The following C2orf42 variants were observed in gnomAD, a reference collection of about 807,000 sequenced individuals.
C2orf42 encodes the protein chromosome 2 open reading frame 42, also known as uncharacterized protein C2orf42.
A neutral mutation model predicts 58.9 loss-of-function variants in C2orf42; 44 were observed. The ratio of observed to expected loss-of-function variants is 0.75; its 90% confidence interval spans 0.59 to 0.96. The LOEUF is 0.96. C2orf42 is among the 40% of genes least tolerant of loss of function. The probability of loss-of-function intolerance (pLI) is 0.00; values close to 1 mark genes in which losing one functional copy is unlikely to be tolerated. For synonymous variants in C2orf42, 239 were observed against 265.4 expected (o/e 0.90, Z 0.97); for missense variants, 630 against 699.2 (o/e 0.90, Z 1.12).
chr2:70,175,708 T>C lies in C2orf42; in HGVS notation c.1004A>G (p.Lys335Arg), dbSNP rs753079573. The change falls in exon 5 of 10, where the codon AAA (lysine) becomes AGA (arginine). Residue 335 changes from lysine to arginine, a missense_variant. Lys to Arg is a conservative substitution (Grantham distance 26, BLOSUM62 2). Coordinates refer to ENST00000264434, the MANE Select transcript of C2orf42 (RefSeq NM_017880.3). ...VSSNLRKSGL[K>R]KPVVASSLKR... is the part of the protein sequence containing the mutation. ...TAACGAGGAAGCAACCACAGGCTTT[T>C]TCAGGCCACTTTTCCTTAGATTACT... The C allele has an allele frequency of 3.1e-6, 5 of 1,613,554 alleles. No homozygotes were observed. The highest frequency in any genetic ancestry group is 4.2e-6 in the Non-Finnish European group (5 of 1,179,476).
Position 70,150,563 on chromosome 2 carries a change from G to A in C2orf42, c.1518C>T (p.Gly506=), listed in dbSNP as rs1672247055. 1.2e-6 allele frequency: 2 copies of A among 1,610,776 alleles called. No homozygotes were observed. The highest frequency in any genetic ancestry group is 3.3e-5 in the Admixed American group (2 of 59,984). ...PLELKTFLKV[G]NTSPDQKEPT... is the part of the protein sequence containing the mutation. The stretch of plus-strand genomic sequence containing the variant: ...GCTCCTTTTGATCTGGGGAAGTGTT[G>A]CCTAAAGAGAAGAAAGGAGTATTAG... The change falls in exon 10 of 10, where the codon GGC becomes GGT. Residue 506 remains glycine, a splice_region_variant and synonymous_variant. Coordinates refer to ENST00000264434, the MANE Select transcript of C2orf42 (RefSeq NM_017880.3).
At chr2:70,184,565 T>C (rs1368961056) in intron 1 of C2orf42, among the ~76,000 whole-genome samples, 3 of 144,306 alleles carry the variant, frequency 2.1e-5, no homozygotes, top group Admixed American at 1.5e-4. Context: ...ACTGCAGCCT[T>C]GACCTCCCAA....
rs1674547472 is a variant in C2orf42 at position 70,181,291 on chromosome 2, T to A, written c.695A>T (p.His232Leu). ...FFCSCQTLKS[H>L]KSNASKDETA... ...CTCATCCTTGGAGGCATTTGACTTG[T>A]GCGATTTCAGAGTCTGACAGGAGCA... Residue 232 changes from histidine to leucine, a missense_variant, in exon 3 of 10, where the codon CAC becomes CTC. His to Leu is a moderately conservative substitution (Grantham distance 99). Coordinates refer to ENST00000264434, the MANE Select transcript of C2orf42 (RefSeq NM_017880.3). 2 of 1,613,970 alleles carry A rather than the reference T, an allele frequency of 1.2e-6. No individual in the cohort carries two copies. Among genetic ancestry groups the A allele is most frequent in the South Asian group, 1.1e-5 (1 of 91,084 alleles).
chr2:70,166,044 C>G (rs563171764), intron 6 of C2orf42, among the ~76,000 whole-genome samples: 152 of 152,010 alleles, frequency 1.0e-3, no homozygotes, highest in African/African-American at 3.6e-3. Flanking sequence ...GCGTGCACCA[C>G]CACGCCTGGC....
chr2:70,170,917 C>T (rs977592412), intron 5 of C2orf42, among the ~76,000 whole-genome samples: 1 of 151,880 alleles, frequency 6.6e-6, no homozygotes, highest in African/African-American at 2.4e-5. Context: ...AGATCGAGAC[C>T]ATCCTGGCTA....
chr2:70,167,345 G>T (rs1356742862), intron 6 of C2orf42, among the ~76,000 whole-genome samples: 1 of 148,208 alleles, frequency 6.7e-6, no homozygotes, highest in Non-Finnish European at 1.5e-5. Flanking sequence ...GCGACAGAGT[G>T]AGACTCTGTC....
intron 6 of C2orf42, among the ~76,000 whole-genome samples, chr2:70,168,921 GC>G (rs1042045056): frequency 7.2e-5 from 11 of 151,804 alleles, no homozygotes; most frequent in African/African-American, 2.7e-4. Context: ...CGCCATGTTG[GC>G]CAGGCTTGTC....
intron 1 of C2orf42, among the ~76,000 whole-genome samples, chr2:70,186,708 A>G (rs918698918): frequency 6.6e-6 from 1 of 152,130 alleles, no homozygotes; most frequent in South Asian, 2.1e-4. Context: ...CAACCCAAAT[A>G]TCCAACAATG....
intron 1 of C2orf42, among the ~76,000 whole-genome samples, chr2:70,186,406 T>TATA (rs143451053): frequency 1.3e-5 from 2 of 151,602 alleles, no homozygotes; most frequent in African/African-American, 4.8e-5. Context: ...TGATTTAACA[T>TATA]ATCAAAGTGG....
At chr2:70,179,249 G>C (rs574801199) in intron 4 of C2orf42, among the ~76,000 whole-genome samples, 35 of 149,908 alleles carry the variant, frequency 2.3e-4, no homozygotes, top group African/African-American at 8.5e-4. Flanking sequence ...ACTTTTCTCA[G>C]GAAAAAAACC....
intron 6 of C2orf42, among the ~76,000 whole-genome samples, chr2:70,169,009 C>T (rs1207784272): frequency 3.9e-5 from 6 of 151,958 alleles, no homozygotes; most frequent in African/African-American, 9.7e-5. Context: ...TCACCATGCC[C>T]GGCCAGTATG....
intron 5 of C2orf42, among the ~76,000 whole-genome samples, chr2:70,169,929 T>C (rs1673683035): frequency 6.6e-6 from 1 of 151,744 alleles, no homozygotes; most frequent in Non-Finnish European, 1.5e-5. Flanking sequence ...CGGCTAATTG[T>C]TGTATTTTTA....
chr2:70,177,876 A>C (rs1213866584), intron 4 of C2orf42, among the ~76,000 whole-genome samples: 1 of 152,060 alleles, frequency 6.6e-6, no homozygotes, highest in East Asian at 1.9e-4. Context: ...TCTCTACAAA[A>C]AACAAACCAA....
chr2:70,159,984 C>T (rs1672951480), intron 9 of C2orf42, among the ~76,000 whole-genome samples: 1 of 152,084 alleles, frequency 6.6e-6, no homozygotes, highest in African/African-American at 2.4e-5. Context: ...AAATAATATT[C>T]ACAAGAATTT....
Position 70,178,221 on chromosome 2 carries a change from T to A in C2orf42, c.934+1311A>T, listed in dbSNP as rs569125143. The stretch of plus-strand genomic sequence containing the variant: ...ATTTTCATTTTGTTTAGACTCTAGG[T>A]CTCTTGATGCTTACCTACTAGGATA... On this transcript the variant is annotated intron_variant, in intron 4 of 9. Coordinates refer to ENST00000264434, the MANE Select transcript of C2orf42 (RefSeq NM_017880.3). Among the ~76,000 whole-genome samples the A allele has an allele frequency of 3.3e-5, 5 of 152,280 alleles. No homozygotes were observed. In the South Asian group the frequency reaches 1.0e-3, roughly 32 times the overall value.
chr2:70,175,770 C>T lies in C2orf42; in HGVS notation c.942G>A (p.Gln314=). The T allele has an allele frequency of 6.3e-7, 1 of 1,595,978 alleles. No individual in the cohort carries two copies. The highest frequency in any genetic ancestry group is 2.2e-5 in the East Asian group (1 of 44,772). The part of the protein sequence containing the change: ...KRRKDEVSGA[Q]MNSSLLPQDA... ...CTTGAGGCAGTAGTGAACTGTTCAT[C>T]TGTGCACCTAAACCACAAATCATTA... The change falls in exon 5 of 10, where the codon CAG becomes CAA. Residue 314 remains glutamine, a synonymous_variant. Transcript: ENST00000264434.
At position 70,165,534 on chromosome 2, in the gene C2orf42, T is replaced by C. The variant is rs780727060; in HGVS notation, c.1246A>G (p.Thr416Ala). 2 of 1,559,724 alleles carry C rather than the reference T, an allele frequency of 1.3e-6. No homozygotes were observed. The highest frequency in any genetic ancestry group is 1.8e-6 in the Non-Finnish European group (2 of 1,130,388). The change falls in exon 7 of 10, where the codon ACC becomes GCC. Residue 416 changes from threonine to alanine, a missense_variant. Physicochemically the swap from Thr to Ala is moderately conservative, Grantham distance 58 (BLOSUM62 0). Transcript: ENST00000264434. ...CCAAAGGGAAATCCTGTACCTGTGG[T>C]GGAGTTGGGGAGCCGTTTTTTTGCA... ...GSAKKRLPNS[T>A]TAFVRKDALP...
chr2:70,170,022 G>C (rs762935670), intron 5 of C2orf42, among the ~76,000 whole-genome samples: 3 of 152,018 alleles, frequency 2.0e-5, no homozygotes, highest in African/African-American at 4.8e-5. Context: ...GCCTCCCAAA[G>C]TGTAGGGATT....
At chr2:70,153,504 G>A (rs1374163535) in intron 9 of C2orf42, among the ~76,000 whole-genome samples, 3 of 150,736 alleles carry the variant, frequency 2.0e-5, no homozygotes, top group African/African-American at 7.3e-5. Context: ...GACTACAGGC[G>A]CCCGCCACCA....
Sources: allele counts gnomAD v4.1 joint callset (sites outside exome capture counted in the v4.1 genomes callset), GRCh38; gene constraint gnomAD v4.1.1; transcripts MANE v1.5; gene names NCBI Gene and HGNC (gene_info 2026-07-23, HGNC 2026-07-21).